The following HGSNAT variants were observed in gnomAD, a reference collection of about 807,000 sequenced individuals.
HGSNAT encodes heparan-alpha-glucosaminide N-acetyltransferase.
HGSNAT carries 59 observed loss-of-function variants against 85.2 expected under a neutral mutation model. That is an observed-to-expected ratio of 0.69 (90% CI 0.56 to 0.86). The LOEUF (loss-of-function observed/expected upper bound fraction) is 0.86, where lower values mean the gene tolerates loss of function less well. HGSNAT is among the 40% of genes least tolerant of loss of function. The probability of loss-of-function intolerance (pLI) is 0.00; values close to 1 mark genes in which losing one functional copy is unlikely to be tolerated. For missense variants in HGSNAT, 756 were observed against 777.1 expected (o/e 0.97, Z 0.32); for synonymous variants, 321 against 304.5 (o/e 1.05, Z -0.56).
chr8:43,161,599 C>T (rs1265939895), intron 5 of HGSNAT, 92 bp downstream of exon 5: 10 of 882,342 alleles, frequency 1.1e-5, no homozygotes, highest in Admixed American at 5.8e-5. Flanking sequence ...TGGCCATATT[C>T]TTCGATGATA....
At chr8:43,149,656 G>C (rs1180279120) in intron 2 of HGSNAT, among the ~76,000 whole-genome samples, 1 of 150,946 alleles carries the variant, frequency 6.6e-6, no homozygotes, top group Non-Finnish European at 1.5e-5. Flanking sequence ...GCCGAGATCG[G>C]GCCACTGTAC....
intron 7 of HGSNAT, 45 bp from the exon 8 acceptor site, chr8:43,172,265 C>A: frequency 7.2e-7 from 1 of 1,388,070 alleles, no homozygotes; most frequent in Non-Finnish European, 1.0e-6. Context: ...CCTTCCTTTT[C>A]ACATAGCAAA....
Position 43,188,245 on chromosome 8 carries a change from C to G in HGSNAT, c.1129-3229C>G, listed in dbSNP as rs180738381. ...TAATATCCTGAAGAGTTTTTTCCGA[C>G]TTGGTTCTGTTCTCCCCGTCACTTT... On this transcript the variant is annotated intron_variant, in intron 11 of 17. Transcript: ENST00000379644. 1.3e-3 allele frequency among the ~76,000 whole-genome samples: 202 copies of G among 152,296 alleles called. 1 individual carries two copies. Among genetic ancestry groups the G allele is most frequent in the Non-Finnish European group, 1.3e-3 (89 of 68,030 alleles).
intron 14 of HGSNAT, among the ~76,000 whole-genome samples, chr8:43,195,143 GATCTGAAGCATACAC>G (rs1355311837): frequency 4.6e-5 from 7 of 152,012 alleles, no homozygotes; most frequent in Admixed American, 3.3e-4. Context: ...GGGTAGTGCA[GATCTGAAGCATACAC>G]AGGTGACCCT....
At chr8:43,186,344 C>G (rs1331959402) in intron 11 of HGSNAT, among the ~76,000 whole-genome samples, 1 of 152,142 alleles carries the variant, frequency 6.6e-6, no homozygotes, top group African/African-American at 2.4e-5. Flanking sequence ...AGGGATTCAA[C>G]TTCTTCCTGG....
At chr8:43,165,098 G>T (rs1803392660) in intron 5 of HGSNAT, among the ~76,000 whole-genome samples, 1 of 126,812 alleles carries the variant, frequency 7.9e-6, no homozygotes, top group Non-Finnish European at 1.6e-5. Context: ...TCACTGTGTT[G>T]CCCAGGCTTG....
chr8:43,143,077 AAG>A lies in HGSNAT; in HGVS notation c.118+2465_118+2466del, dbSNP rs201151440. Among the ~76,000 whole-genome samples, 1,485 of 152,336 alleles carry A rather than the reference AAG, an allele frequency of 9.7e-3. 25 individuals are homozygous for A. The highest frequency in any genetic ancestry group is 0.033 in the African/African-American group (1,373 of 41,566). On this transcript the variant is annotated intron_variant, in intron 1 of 17. Coordinates refer to ENST00000379644, the MANE Select transcript of HGSNAT (RefSeq NM_152419.3). The stretch of plus-strand genomic sequence containing the variant: ...TTAAAACTGAAGAAGGGAAATGAAA[AAG>A]AACTATTTTAAAACGATGACAAATT...
Position 43,197,503 on chromosome 8 carries a change from T to G in HGSNAT, c.1543-169T>G. The G allele has an allele frequency of 4.9e-6, 3 of 608,156 alleles. No homozygotes were observed. In the South Asian group the frequency reaches 6.3e-5, roughly 13 times the overall value. 37.7% of individuals were successfully genotyped at this position (608,156 alleles called of 1,614,324 possible). A position where few individuals can be genotyped will look rare whatever the true frequency, so the allele number is the denominator to read the frequency against. ...TGAAGAGATTTTGGGAGAGTATTTT[T>G]CAGTTCATACATTTAAAAAAATATG... On this transcript the variant is annotated intron_variant, in intron 15 of 17. Coordinates refer to ENST00000379644, the MANE Select transcript of HGSNAT (RefSeq NM_152419.3).
intron 2 of HGSNAT, among the ~76,000 whole-genome samples, chr8:43,153,669 C>G (rs917125169): frequency 2.6e-5 from 4 of 152,136 alleles, no homozygotes; most frequent in African/African-American, 9.7e-5. Context: ...AGAACTGATC[C>G]CATTGTAACT....
At chr8:43,176,786 G>T (rs1298344253) in intron 9 of HGSNAT, among the ~76,000 whole-genome samples, 1 of 151,964 alleles carries the variant, frequency 6.6e-6, no homozygotes, top group Non-Finnish European at 1.5e-5. Context: ...TAATTTTGAG[G>T]TACTTTATTT....
intron 2 of HGSNAT, among the ~76,000 whole-genome samples, chr8:43,155,421 A>G (rs935764980): frequency 6.6e-6 from 1 of 152,096 alleles, no homozygotes; most frequent in Non-Finnish European, 1.5e-5. Flanking sequence ...TCTTTTGAGA[A>G]ATACCTATTT....
At chr8:43,149,163 C>T (rs778283522) in intron 2 of HGSNAT, among the ~76,000 whole-genome samples, 130 of 150,208 alleles carry the variant, frequency 8.7e-4, no homozygotes, top group Admixed American at 6.6e-4. Flanking sequence ...ATTAACTACA[C>T]GAGACTGTTT....
intron 14 of HGSNAT, chr8:43,196,068 G>T (rs1234898473): frequency 7.9e-6 from 2 of 252,018 alleles, no homozygotes; most frequent in African/African-American, 4.6e-5. Flanking sequence ...GAGGCTAGGA[G>T]TGCAGACCTG....
chr8:43,199,470 G>T lies in HGSNAT; in HGVS notation c.1809G>T (p.Gln603His). Residue 603 changes from glutamine (Q) to histidine (H), a missense_variant, in exon 18 of 18, where the codon CAG becomes CAT. By Grantham distance (24) the Gln-to-His change is conservative. Coordinates refer to ENST00000379644, the MANE Select transcript of HGSNAT (RefSeq NM_152419.3). The stretch of plus-strand genomic sequence containing the variant: ...TTCAGTGGAAGCTGAAGGACAACCA[G>T]TCCCACAAGGAGCACCTGACTCAGA... ...FPFQWKLKDNQSHKEHLTQNI... is the reference protein window; with the variant it reads ...FPFQWKLKDNHSHKEHLTQNI... The T allele has an allele frequency of 6.2e-7, 1 of 1,612,808 alleles. No individual in the cohort carries two copies. The highest frequency in any genetic ancestry group is 8.5e-7 in the Non-Finnish European group (1 of 1,179,434).
At position 43,201,447 on chromosome 8, in the gene HGSNAT, A is replaced by G. The variant is rs1349925950; in HGVS notation, c.*1878A>G. ...GCGGGGCTTCTCCTGCCTCCATCAC[A>G]TCACAGAAGTACCTCCTGCTTCTGG... On this transcript the variant is annotated 3_prime_UTR_variant, in exon 18 of 18. Transcript: ENST00000379644. This position sits in a 1 kb window ranked among gnomAD's most constrained non-coding sequence, Gnocchi z 4.4. 2.0e-5 allele frequency: 3 copies of G among 152,062 alleles called. No individual in the cohort carries two copies. Among genetic ancestry groups the G allele is most frequent in the Non-Finnish European group, 4.4e-5 (3 of 68,054 alleles). 9.4% of individuals were successfully genotyped at this position (152,062 alleles called of 1,614,324 possible).
intron 13 of HGSNAT, among the ~76,000 whole-genome samples, chr8:43,192,911 C>T (rs1265860651): frequency 6.6e-6 from 1 of 152,182 alleles, no homozygotes; most frequent in Non-Finnish European, 1.5e-5. Context: ...ATCAGGCAGT[C>T]CTTGCGGGGG....
chr8:43,188,506 G>T (rs1211726787), intron 11 of HGSNAT, among the ~76,000 whole-genome samples: 1 of 152,144 alleles, frequency 6.6e-6, no homozygotes, highest in African/African-American at 2.4e-5. Context: ...GTCATTTAAG[G>T]TCTTTTCTAC....
intron 5 of HGSNAT, chr8:43,167,833 AT>A: frequency 5.4e-6 from 1 of 185,324 alleles, no homozygotes; most frequent in Non-Finnish European, 1.2e-5. Context: ...TAGAAATCTC[AT>A]TTTAAAGAAA....
At chr8:43,155,876 T>A (rs752936453) in intron 2 of HGSNAT, among the ~76,000 whole-genome samples, 4 of 152,148 alleles carry the variant, frequency 2.6e-5, no homozygotes, top group Non-Finnish European at 5.9e-5. Context: ...AGTTGTGCTC[T>A]TTTTGCCCAG....
Sources: allele counts gnomAD v4.1 joint callset (sites outside exome capture counted in the v4.1 genomes callset), GRCh38; gene constraint gnomAD v4.1.1; non-coding constraint Gnocchi (gnomAD v3.1); transcripts MANE v1.5; gene names NCBI Gene and HGNC (gene_info 2026-07-23, HGNC 2026-07-21).